Variants in ATXN7 observed in about 807,000 individuals in gnomAD.
ATXN7 encodes ataxin-7.
ATXN7 carries 12 observed loss-of-function variants against 70.5 expected under a neutral mutation model. The observed-to-expected ratio is 0.17, with a 90% CI of 0.11 to 0.28. The LOEUF is 0.28. Among genes scored for constraint, ATXN7 ranks in the 10% least tolerant of loss-of-function variants. The probability of loss-of-function intolerance (pLI) is 1.00; values close to 1 mark genes in which losing one functional copy is unlikely to be tolerated. For synonymous variants in ATXN7, 498 were observed against 448.7 expected (o/e 1.11, Z -1.39); for missense variants, 1,256 against 1,131.7 (o/e 1.11, Z -1.58).
chr3:63,952,835 C>CTTTTTCTT (rs2074976997), intron 5 of ATXN7, among the ~76,000 whole-genome samples: 1 of 49,164 alleles, frequency 2.0e-5, no homozygotes, highest in African/African-American at 1.0e-4. Flanking sequence ...ATGCATGGGC[C>CTTTTTCTT]TTTTTTTTTT....
In ATXN7 at chr3:63,982,054, A is replaced by G. The variant is rs548187604; in HGVS notation, c.753-132A>G. On this transcript the variant is annotated intron_variant, in intron 6 of 12. Transcript: ENST00000674280. Reference sequence around the variant, plus strand: ...AACCTTACTAACAAAACTCATAAGGAGCCTTCCAAGAGGCTGGCCCTGTGC... The same window carrying G: ...AACCTTACTAACAAAACTCATAAGGGGCCTTCCAAGAGGCTGGCCCTGTGC... 13 of 1,219,104 alleles carry G rather than the reference A, an allele frequency of 1.1e-5. No homozygotes were observed. In the East Asian group the frequency reaches 1.9e-4, roughly 18 times the overall value. 75.5% of individuals were successfully genotyped at this position (1,219,104 alleles called of 1,614,324 possible). A position where few individuals can be genotyped will look rare whatever the true frequency, so the allele number is the denominator to read the frequency against.
At position 63,999,558 on chromosome 3, in the gene ATXN7, G is replaced by C; in HGVS notation, c.*91G>C. On this transcript the variant is annotated 3_prime_UTR_variant, in exon 13 of 13. Coordinates refer to ENST00000674280, the MANE Select transcript of ATXN7 (RefSeq NM_001377405.1). ...GCACTCTGGACTCCACGATGCCTTT[G>C]AGTCTGTTTTCCCAACCTCCTGTGG... is the stretch of plus-strand genomic sequence containing the variant. The C allele has an allele frequency of 1.9e-6, 3 of 1,583,938 alleles. No individual in the cohort carries two copies. Among genetic ancestry groups the C allele is most frequent in the Non-Finnish European group, 2.6e-6 (3 of 1,163,086 alleles).
At chr3:63,997,763 CT>C in intron 12 of ATXN7, 1 of 1,518,570 alleles carries the variant, frequency 6.6e-7, no homozygotes, top group Non-Finnish European at 8.8e-7. Flanking sequence ...CGGGTTAGGA[CT>C]TTTTCAGAAA....
intron 11 of ATXN7, among the ~76,000 whole-genome samples, chr3:63,994,161 G>A (rs1409125916): frequency 1.3e-5 from 2 of 152,192 alleles, no homozygotes; most frequent in Non-Finnish European, 2.9e-5. Context: ...ACTGTAATGT[G>A]CAACAGCTGG....
At chr3:63,978,454 C>G (rs2075428728) in intron 5 of ATXN7, among the ~76,000 whole-genome samples, 1 of 152,156 alleles carries the variant, frequency 6.6e-6, no homozygotes, top group Admixed American at 6.5e-5. Context: ...TCCTGGCTGA[C>G]AAGTGCTGAT....
chr3:63,970,017 T>C (rs2075285716), intron 5 of ATXN7, among the ~76,000 whole-genome samples: 1 of 152,218 alleles, frequency 6.6e-6, no homozygotes, highest in African/African-American at 2.4e-5. Context: ...GGGTGATTTA[T>C]TGCTGTACTC....
chr3:63,997,408 A>G (rs966548631), intron 12 of ATXN7, among the ~76,000 whole-genome samples: 1 of 152,224 alleles, frequency 6.6e-6, no homozygotes, highest in Non-Finnish European at 1.5e-5. Context: ...TTCCAAGCTC[A>G]TAGTTAAAAA....
chr3:63,897,399 A>C (rs904391775), intron 1 of ATXN7, among the ~76,000 whole-genome samples: 1 of 152,228 alleles, frequency 6.6e-6, no homozygotes, highest in African/African-American at 2.4e-5. Flanking sequence ...ACCTGGGAAT[A>C]ACTTAAAACC....
At chr3:63,871,902 CAATTA>C (rs1266194596) in intron 1 of ATXN7, among the ~76,000 whole-genome samples, 1 of 151,204 alleles carries the variant, frequency 6.6e-6, no homozygotes, top group African/African-American at 2.4e-5. Flanking sequence ...CTTTAATTAT[CAATTA>C]AATTGTTCCT....
intron 11 of ATXN7, among the ~76,000 whole-genome samples, chr3:63,994,034 A>C (rs1342205501): frequency 6.6e-6 from 1 of 152,110 alleles, no homozygotes; most frequent in African/African-American, 2.4e-5. Flanking sequence ...CTAGCCTCTC[A>C]ATCTTGGCTC....
At chr3:63,866,157 T>A (rs1702419937) in intron 1 of ATXN7, among the ~76,000 whole-genome samples, 1 of 152,176 alleles carries the variant, frequency 6.6e-6, no homozygotes, top group South Asian at 2.1e-4. Context: ...TTTTGTTGGA[T>A]GATGCTAGAA....
At chr3:63,999,422 T>C in intron 12 of ATXN7, 28 bp from the exon 13 acceptor site, 1 of 1,582,804 alleles carries the variant, frequency 6.3e-7, no homozygotes, top group Non-Finnish European at 8.7e-7. Context: ...ACCATTTCAT[T>C]ATTTCCCCAC....
Position 63,999,823 on chromosome 3 carries a change from A to G in ATXN7, c.*356A>G. ...TCTTCAAGTAGATTGGCTGGGCAAAAGAATGTTTTGGCAAGAGCGTTACTG... is the reference window on the plus strand; with the variant it reads ...TCTTCAAGTAGATTGGCTGGGCAAAGGAATGTTTTGGCAAGAGCGTTACTG... On this transcript the variant is annotated 3_prime_UTR_variant, in exon 13 of 13. Coordinates refer to ENST00000674280, the MANE Select transcript of ATXN7 (RefSeq NM_001377405.1). The G allele has an allele frequency of 7.0e-6, 3 of 428,034 alleles. No individual in the cohort carries two copies. The highest frequency in any genetic ancestry group is 1.3e-5 in the Non-Finnish European group (3 of 234,290). 26.5% of individuals were successfully genotyped at this position (428,034 alleles called of 1,614,324 possible). A position where few individuals can be genotyped will look rare whatever the true frequency, so the allele number is the denominator to read the frequency against.
At chr3:63,932,446 G>A (rs1424469652) in intron 4 of ATXN7, among the ~76,000 whole-genome samples, 1 of 152,162 alleles carries the variant, frequency 6.6e-6, no homozygotes, top group Non-Finnish European at 1.5e-5. Context: ...TGTAAATTAA[G>A]GGCAAATGGG....
At chr3:63,990,465 G>C in intron 10 of ATXN7, 91 bp downstream of exon 10, 6 of 1,475,052 alleles carry the variant, frequency 4.1e-6, no homozygotes, top group Non-Finnish European at 5.6e-6. Context: ...TGGCATGCCC[G>C]TATGTGTGGG....
intron 5 of ATXN7, among the ~76,000 whole-genome samples, chr3:63,959,050 A>G (rs952935803): frequency 2.0e-5 from 3 of 152,254 alleles, no homozygotes; most frequent in Non-Finnish European, 4.4e-5. Context: ...CTGTTACCTC[A>G]GAACATTTAG....
At chr3:63,895,515 T>A (rs1703414932) in intron 1 of ATXN7, among the ~76,000 whole-genome samples, 1 of 152,042 alleles carries the variant, frequency 6.6e-6, no homozygotes, top group Admixed American at 6.6e-5. Flanking sequence ...TTTGTTGCAG[T>A]TATCACAAAT....
chr3:63,904,536 C>G (rs1703767540), intron 2 of ATXN7: 1 of 152,254 alleles, frequency 6.6e-6, no homozygotes, highest in African/African-American at 2.4e-5. Flanking sequence ...TCGTGATTTG[C>G]CTGGCTTGGC....
intron 12 of ATXN7, 84 bp downstream of exon 12, chr3:63,996,567 G>A: frequency 6.9e-7 from 1 of 1,452,634 alleles, no homozygotes; most frequent in Non-Finnish European, 9.2e-7. Context: ...GTGTTTGGTT[G>A]GGTTGGTTGG....
Sources: gnomAD v4.1 joint callset for allele counts (sites outside exome capture counted in the v4.1 genomes callset) on GRCh38, gnomAD v4.1.1 for gene constraint, MANE v1.5 for transcripts, NCBI Gene and HGNC (gene_info 2026-07-23, HGNC 2026-07-21) for gene names.